The following DTNA variants were observed in gnomAD, a reference collection of about 807,000 sequenced individuals.
DTNA encodes dystrophin-related protein 3.
A neutral mutation model predicts 100.7 loss-of-function variants in DTNA; 43 were observed. That is an observed-to-expected ratio of 0.43 (90% confidence interval 0.33 to 0.55). The LOEUF (loss-of-function observed/expected upper bound fraction) is 0.55, where lower values mean the gene tolerates loss of function less well. DTNA is among the 20% of genes least tolerant of loss of function. DTNA has a pLI of 0.04. For synonymous variants in DTNA, 349 were observed against 347.9 expected (o/e 1.00, Z -0.04); for missense variants, 798 against 953.9 (o/e 0.84, Z 2.15).
At chr18:34,841,866 T>G (rs2149770058) in intron 13 of DTNA, among the ~76,000 whole-genome samples, 1 of 152,316 alleles carries the variant, frequency 6.6e-6, no homozygotes, top group South Asian at 2.1e-4. Flanking sequence ...CTATATTAAC[T>G]ACTTAACACA....
intron 2 of DTNA, among the ~76,000 whole-genome samples, chr18:34,759,598 A>G (rs911338915): frequency 3.9e-5 from 6 of 152,222 alleles, no homozygotes; most frequent in Non-Finnish European, 8.8e-5. Flanking sequence ...AATGAGAGTG[A>G]TGCCACCGGC....
chr18:34,558,102 G>A lies in DTNA; in HGVS notation c.-2+64588G>A, dbSNP rs911133990. 10 of 153,322 alleles carry A rather than the reference G, an allele frequency of 6.5e-5. No homozygotes were observed. The South Asian group carries it at 8.2e-4, about 13-fold the overall frequency. 9.5% of individuals were successfully genotyped at this position (153,322 alleles called of 1,614,324 possible). On this transcript the variant is annotated intron_variant, in intron 1 of 19. Coordinates refer to the DTNA transcript ENST00000283365. ...CGTTTTTAAAGCTGGTCCGAGAAGC[G>A]CAATATTCTGGTGGGAGTGACCCGA...
At position 34,608,513 on chromosome 18, in the gene DTNA, GTT is replaced by G. The variant is rs34065264; in HGVS notation, c.-2+115012_-2+115013del. Among the ~76,000 whole-genome samples, 1,348 of 144,590 alleles carry G rather than the reference GTT, an allele frequency of 9.3e-3. 8 individuals carry two copies. The highest frequency in any genetic ancestry group is 0.024 in the African/African-American group (959 of 39,960). 94.9% of individuals were successfully genotyped at this position (144,590 alleles called of 152,430 possible). ...CAAAAGGGACAAAAGTATTCGTTAGGTTTTTTTTTTTTTTATGGATTCAGGCA... is the reference window on the plus strand; with the variant it reads ...CAAAAGGGACAAAAGTATTCGTTAGGTTTTTTTTTTTTATGGATTCAGGCA... On this transcript the variant is annotated intron_variant, in intron 1 of 19. Transcript: ENST00000283365.
chr18:34,517,154 A>G (rs2469897), intron 1 of DTNA, among the ~76,000 whole-genome samples: 150,330 of 152,244 alleles, frequency 0.99, 74,249 homozygotes, highest in East Asian at 1. Context: ...TCAGCCATCC[A>G]CATAACTGTT....
At chr18:34,613,413 T>C (rs1428965123) in intron 1 of DTNA, among the ~76,000 whole-genome samples, 3 of 152,168 alleles carry the variant, frequency 2.0e-5, no homozygotes, top group Non-Finnish European at 4.4e-5. Context: ...TTAGAAATGA[T>C]TAAGTTAAGA....
chr18:34,619,425 A>G (rs938703978), intron 1 of DTNA, among the ~76,000 whole-genome samples: 1 of 152,226 alleles, frequency 6.6e-6, no homozygotes, highest in African/African-American at 2.4e-5. Context: ...CAAAGAAGCA[A>G]TATACCACAA....
intron 1 of DTNA, among the ~76,000 whole-genome samples, chr18:34,686,656 A>G (rs888545982): frequency 6.6e-6 from 1 of 152,152 alleles, no homozygotes; most frequent in Non-Finnish European, 1.5e-5. Context: ...GCCTCATGAA[A>G]TGAGTTAGGG....
In DTNA at chr18:34,661,243, C is replaced by G. The variant is rs187607093; in HGVS notation, c.-1-94733C>G. ...ATAAGAGCTAAGGTACTATTAAATA[C>G]TTAAAACAGGGATCAAATTAGCAGT... On this transcript the variant is annotated intron_variant, in intron 1 of 19. Transcript: ENST00000283365. Among the ~76,000 whole-genome samples, 225 of 152,280 alleles carry G rather than the reference C, an allele frequency of 1.5e-3. 2 individuals carry two copies. Among genetic ancestry groups the G allele is most frequent in the African/African-American group, 5.2e-3 (216 of 41,548 alleles).
chr18:34,499,621 G>A (rs186449764), intron 1 of DTNA, among the ~76,000 whole-genome samples: 49 of 152,198 alleles, frequency 3.2e-4, no homozygotes, highest in Admixed American at 9.8e-4. Flanking sequence ...CTGTATCTTC[G>A]CTAGCATTTG....
At chr18:34,509,320 A>C (rs2040803687) in intron 1 of DTNA, among the ~76,000 whole-genome samples, 1 of 152,088 alleles carries the variant, frequency 6.6e-6, no homozygotes, top group African/African-American at 2.4e-5. Context: ...TACTTGGTTG[A>C]CATTTTTTAA....
intron 1 of DTNA, among the ~76,000 whole-genome samples, chr18:34,649,741 A>T (rs1000121262): frequency 1.3e-5 from 2 of 152,122 alleles, no homozygotes; most frequent in Admixed American, 1.3e-4. Flanking sequence ...TCTACTCCAG[A>T]TTAACTTTTA....
At chr18:34,804,887 G>A (rs2095321192) in intron 4 of DTNA, among the ~76,000 whole-genome samples, 1 of 152,114 alleles carries the variant, frequency 6.6e-6, no homozygotes, top group Non-Finnish European at 1.5e-5. Context: ...AAAAATGACA[G>A]CGACAGTGAT....
chr18:34,865,424 T>G (rs1396178373), intron 17 of DTNA, among the ~76,000 whole-genome samples: 1 of 152,218 alleles, frequency 6.6e-6, no homozygotes. Context: ...AACTTTCTTT[T>G]GTTTTCCTTA....
At chr18:34,866,268 T>C in intron 17 of DTNA, 1 of 1,569,642 alleles carries the variant, frequency 6.4e-7, no homozygotes, top group Non-Finnish European at 8.7e-7. Flanking sequence ...AATTTGCTTC[T>C]TTTTCAATGT....
chr18:34,718,151 C>T lies in DTNA; in HGVS notation c.-2+7706C>T, dbSNP rs574398688. ...GGCCAAGGAAACTGAGCGTATCTTA[C>T]AATATGCAAGTTTTTCAAACAGGAC... On this transcript the variant is annotated intron_variant, in intron 1 of 22. Coordinates refer to ENST00000444659, the MANE Select transcript of DTNA (RefSeq NM_001386795.1). Among the ~76,000 whole-genome samples the T allele has an allele frequency of 3.3e-5, 5 of 152,254 alleles. No homozygotes were observed. The East Asian group carries it at 9.7e-4, about 29-fold the overall frequency.
intron 1 of DTNA, among the ~76,000 whole-genome samples, chr18:34,667,914 TG>T (rs1413946482): frequency 6.6e-6 from 1 of 152,226 alleles, no homozygotes; most frequent in African/African-American, 2.4e-5. Context: ...TGCCAGGCTT[TG>T]GCATCAGGAT....
At chr18:34,879,845 TC>T in intron 20 of DTNA, 126 bp downstream of exon 20, 1 of 1,225,206 alleles carries the variant, frequency 8.2e-7, no homozygotes, top group Non-Finnish European at 1.2e-6. Context: ...AGTTTTCTGT[TC>T]TGCCAGAGAT....
chr18:34,736,381 T>G (rs1262137259), intron 1 of DTNA, among the ~76,000 whole-genome samples: 1 of 152,198 alleles, frequency 6.6e-6, no homozygotes, highest in Admixed American at 6.6e-5. Context: ...ATAAATCCGC[T>G]CATGCAAAAC....
intron 1 of DTNA, among the ~76,000 whole-genome samples, chr18:34,727,881 A>T (rs2087081809): frequency 6.6e-6 from 1 of 152,140 alleles, no homozygotes; most frequent in African/African-American, 2.4e-5. Flanking sequence ...ATGTCTTATA[A>T]AAGTGTTTTG....
Sources: gnomAD v4.1 joint callset for allele counts (sites outside exome capture counted in the v4.1 genomes callset) on GRCh38, gnomAD v4.1.1 for gene constraint, MANE v1.5 for transcripts, NCBI Gene and HGNC (gene_info 2026-07-23, HGNC 2026-07-21) for gene names.